CCDC146: variants seen among roughly 807,000 people sequenced by gnomAD.
CCDC146 encodes coiled-coil domain-containing protein 146.
CCDC146 carries 92 observed loss-of-function variants against 119.3 expected under a neutral mutation model. That is an observed-to-expected ratio of 0.77 (90% confidence interval 0.65 to 0.92). CCDC146 has a LOEUF of 0.92. Among genes scored for constraint, CCDC146 ranks in the 40% least tolerant of loss-of-function variants. The probability of loss-of-function intolerance (pLI) is 0.00; values close to 1 mark genes in which losing one functional copy is unlikely to be tolerated. For synonymous variants in CCDC146, 372 were observed against 371.8 expected, an observed-to-expected ratio of 1.00 and a Z score of -0.01; for missense variants, 1,000 against 1,103.0, an observed-to-expected ratio of 0.91 and a Z score of 1.32.
chr7:77,262,232 G>A lies in CCDC146; in HGVS notation c.1098G>A (p.Lys366=), dbSNP rs1382054023. 3.1e-6 allele frequency: 5 copies of A among 1,614,042 alleles called. No homozygotes were observed. Among genetic ancestry groups the A allele is most frequent in the Non-Finnish European group, 4.2e-6 (5 of 1,179,980 alleles). ...AACGAGATTTTCGAAATTTAAGAAA[G>A]ATGGAACTGCTCTTGAAAGTGTCCT... The part of the protein sequence containing the change: ...EKERDFRNLR[K]MELLLKVSWD... The change falls in exon 9 of 19, where the codon AAG becomes AAA. Residue 366 remains lysine, a synonymous_variant. Coordinates refer to ENST00000285871, the MANE Select transcript of CCDC146 (RefSeq NM_020879.3).
rs867952756 is a variant in CCDC146 at position 77,196,545 on chromosome 7, C to T, written c.156+28721C>T. ...TCTGGAGTGGTGAAAAACTTCAGATCGTGGTTGTAATGTTTGTTGAAACGT... is the reference window on the plus strand; with the variant it reads ...TCTGGAGTGGTGAAAAACTTCAGATTGTGGTTGTAATGTTTGTTGAAACGT... On this transcript the variant is annotated intron_variant, in intron 2 of 18. Coordinates refer to ENST00000285871, the MANE Select transcript of CCDC146 (RefSeq NM_020879.3). This position sits in a 1 kb window ranked among gnomAD's most constrained non-coding sequence, Gnocchi z 4.2. 16 of 1,614,080 alleles carry T rather than the reference C, an allele frequency of 9.9e-6. No homozygotes were observed. The highest frequency in any genetic ancestry group is 1.1e-5 in the Non-Finnish European group (13 of 1,179,988).
At position 77,168,394 on chromosome 7, in the gene CCDC146, T is replaced by C. The variant is rs1791370640; in HGVS notation, c.156+570T>C. 2.0e-5 allele frequency among the ~76,000 whole-genome samples: 3 copies of C among 152,052 alleles called. No homozygotes were observed. In the South Asian group the frequency reaches 6.2e-4, roughly 32 times the overall value. The stretch of plus-strand genomic sequence containing the variant: ...AGTAATGGCTGACTATGTATTCAGC[T>C]GTTACCTTGTCATGCCTGAGAGCTA... On this transcript the variant is annotated intron_variant, in intron 2 of 18. Coordinates refer to ENST00000285871, the MANE Select transcript of CCDC146 (RefSeq NM_020879.3).
At chr7:77,132,565 A>AG (rs1180658841) in intron 1 of CCDC146, among the ~76,000 whole-genome samples, 15 of 147,908 alleles carry the variant, frequency 1.0e-4, no homozygotes, top group Admixed American at 2.0e-4. Flanking sequence ...AAAAAAAAAA[A>AG]AAAAAAGAAA....
chr7:77,242,832 C>T (rs1173136966), intron 4 of CCDC146, among the ~76,000 whole-genome samples: 1 of 139,738 alleles, frequency 7.2e-6, no homozygotes, highest in Admixed American at 7.7e-5. Context: ...TCTCAAAGAC[C>T]TTGTAAGCCC....
At position 77,292,938 on chromosome 7, in the gene CCDC146, C is replaced by T; in HGVS notation, c.2416-14C>T. ...CTGTATACATAGACTAAGCTTTGGG[C>T]TCTTTAATTCTAGATGAATGGCTAT... On this transcript the variant is annotated splice_polypyrimidine_tract_variant and intron_variant, in intron 17 of 18. Transcript: ENST00000285871. 1 of 1,611,216 alleles carries T rather than the reference C, an allele frequency of 6.2e-7. No homozygotes were observed. Among genetic ancestry groups the T allele is most frequent in the South Asian group, 1.1e-5 (1 of 90,718 alleles).
intron 2 of CCDC146, among the ~76,000 whole-genome samples, chr7:77,222,084 G>A (rs1257195819): frequency 6.6e-6 from 1 of 152,230 alleles, no homozygotes; most frequent in East Asian, 1.9e-4. Context: ...GAGTAGACTT[G>A]TCTAAACATG....
At chr7:77,186,474 T>C (rs1791668234) in intron 2 of CCDC146, among the ~76,000 whole-genome samples, 1 of 151,824 alleles carries the variant, frequency 6.6e-6, no homozygotes, top group African/African-American at 2.4e-5. Flanking sequence ...AGTAGAAGGA[T>C]GGTTACAAGA....
intron 4 of CCDC146, among the ~76,000 whole-genome samples, chr7:77,254,241 C>T (rs568565405): frequency 1.3e-5 from 2 of 152,204 alleles, no homozygotes; most frequent in South Asian, 2.1e-4. Flanking sequence ...CCCTGTGTCC[C>T]GAGGCCCGTG....
intron 1 of CCDC146, among the ~76,000 whole-genome samples, chr7:77,126,196 G>A (rs1287260835): frequency 1.3e-5 from 2 of 152,082 alleles, no homozygotes; most frequent in African/African-American, 2.4e-5. Context: ...TGCTTTTTCT[G>A]TATCTATGAA....
intron 17 of CCDC146, among the ~76,000 whole-genome samples, chr7:77,288,485 C>T (rs780726846): frequency 2.0e-5 from 3 of 152,190 alleles, no homozygotes; most frequent in Non-Finnish European, 2.9e-5. Flanking sequence ...GGGTCATGTC[C>T]GTGCAGGCAC....
rs114582262 is a variant in CCDC146 at position 77,187,172 on chromosome 7, A to G, written c.156+19348A>G. 1.4e-3 allele frequency among the ~76,000 whole-genome samples: 220 copies of G among 152,334 alleles called. 3 individuals are homozygous for G. Among genetic ancestry groups the G allele is most frequent in the African/African-American group, 5.1e-3 (214 of 41,574 alleles). ...CTTATTCATTGATGTTACCATCACT[A>G]TATAAATGAACTTATATAGTTTTGA... On this transcript the variant is annotated intron_variant, in intron 2 of 18. Coordinates refer to ENST00000285871, the MANE Select transcript of CCDC146 (RefSeq NM_020879.3).
chr7:77,189,379 C>T (rs1791723870), intron 2 of CCDC146, among the ~76,000 whole-genome samples: 2 of 152,150 alleles, frequency 1.3e-5, no homozygotes, highest in Admixed American at 6.5e-5. Flanking sequence ...ATAGATGTAT[C>T]TCACTGCAAC....
chr7:77,260,513 T>C lies in CCDC146; in HGVS notation c.986+277T>C, dbSNP rs923424570. Among the ~76,000 whole-genome samples the C allele has an allele frequency of 7.3e-4, 111 of 152,142 alleles. 11 individuals carry two copies. Among genetic ancestry groups the C allele is most frequent in the Non-Finnish European group, 1.5e-5 (1 of 68,032 alleles). ...GCCTTTGGAAAATTTATCACTGGAG[T>C]ATGTTATGTTCAGGGATTTTGCCAA... On this transcript the variant is annotated intron_variant, in intron 8 of 18. Transcript: ENST00000285871.
At chr7:77,154,390 T>C (rs10260409) in intron 1 of CCDC146, among the ~76,000 whole-genome samples, 1 of 152,100 alleles carries the variant, frequency 6.6e-6, no homozygotes, top group South Asian at 2.1e-4. Context: ...ATGTTCCATG[T>C]TGGTGTGCTG....
At chr7:77,209,079 T>A (rs2040820581) in intron 2 of CCDC146, among the ~76,000 whole-genome samples, 1 of 152,126 alleles carries the variant, frequency 6.6e-6, no homozygotes, top group Non-Finnish European at 1.5e-5. Flanking sequence ...AATTCTGCCA[T>A]CCCAACAGTT....
chr7:77,161,141 G>C (rs1353784436), intron 1 of CCDC146, among the ~76,000 whole-genome samples: 1 of 152,102 alleles, frequency 6.6e-6, no homozygotes, highest in Admixed American at 6.5e-5. Context: ...GAAACAACAG[G>C]TGCTGGAGAG....
At chr7:77,155,506 T>C (rs1282967369) in intron 1 of CCDC146, among the ~76,000 whole-genome samples, 2 of 151,816 alleles carry the variant, frequency 1.3e-5, no homozygotes, top group Admixed American at 1.3e-4. Context: ...ACAGAGAGTC[T>C]TGTATGGTAT....
At chr7:77,216,262 G>A (rs1250281619) in intron 2 of CCDC146, among the ~76,000 whole-genome samples, 1 of 151,998 alleles carries the variant, frequency 6.6e-6, no homozygotes, top group African/African-American at 2.4e-5. Flanking sequence ...ATTCCTCACA[G>A]CATTAATTCG....
intron 4 of CCDC146, among the ~76,000 whole-genome samples, chr7:77,243,917 C>T (rs904902625): frequency 1.3e-5 from 2 of 152,210 alleles, no homozygotes; most frequent in South Asian, 2.1e-4. Flanking sequence ...CGTGCTCTGT[C>T]GCCCAGGCTG....
Sources: gnomAD v4.1 joint callset for allele counts (sites outside exome capture counted in the v4.1 genomes callset) on GRCh38, gnomAD v4.1.1 for gene constraint, Gnocchi (gnomAD v3.1) non-coding constraint, MANE v1.5 for transcripts, NCBI Gene and HGNC (gene_info 2026-07-23, HGNC 2026-07-21) for gene names.